XRCC5: variants seen among roughly 807,000 people sequenced by gnomAD.
The protein encoded by XRCC5 is X-ray repair cross complementing 5.
In XRCC5, 12 loss-of-function variants were observed where a neutral mutation model predicts 95.7. That is an observed-to-expected ratio of 0.13 (90% CI 0.08 to 0.20). The LOEUF (loss-of-function observed/expected upper bound fraction) is 0.20. Among genes scored for constraint, XRCC5 ranks in the 10% least tolerant of loss-of-function variants. The pLI, the probability that XRCC5 is intolerant of heterozygous loss-of-function variation, is 1.00. For synonymous variants in XRCC5, 281 were observed against 290.3 expected (o/e 0.97, Z 0.33); for missense variants, 595 against 873.9 (o/e 0.68, Z 4.02).
chr2:216,157,395 G>C (rs977294701), intron 14 of XRCC5, among the ~76,000 whole-genome samples: 11 of 151,774 alleles, frequency 7.2e-5, no homozygotes, highest in Non-Finnish European at 1.3e-4. Flanking sequence ...CACCATGCCC[G>C]GCTAATGTTT....
intron 16 of XRCC5, among the ~76,000 whole-genome samples, chr2:216,164,319 A>C (rs976055486): frequency 3.3e-5 from 5 of 152,226 alleles, no homozygotes; most frequent in African/African-American, 9.6e-5. Context: ...TGGTCTTTTC[A>C]GGGACTGAAT....
At chr2:216,136,907 TC>T (rs1697091342) in intron 10 of XRCC5, among the ~76,000 whole-genome samples, 180 bp from the exon 11 acceptor site, 1 of 152,162 alleles carries the variant, frequency 6.6e-6, no homozygotes, top group South Asian at 2.1e-4. Flanking sequence ...TGAGGTTAAG[TC>T]CCAGAAGAGC....
At position 216,143,709 on chromosome 2, in the gene XRCC5, T is replaced by A. The variant is rs577440275; in HGVS notation, c.1476+2390T>A. ...AAAGATACTATAAGCTGCTTTTTTT[T>A]TTTTTATTTTTATTTTGAGACGGAG... On this transcript the variant is annotated intron_variant, in intron 13 of 20. Transcript: ENST00000392132. Among the ~76,000 whole-genome samples the A allele has an allele frequency of 5.6e-4, 85 of 152,066 alleles. No homozygotes were observed. The South Asian group carries it at 0.012, about 21-fold the overall frequency.
chr2:216,198,718 A>C (rs541737076), intron 19 of XRCC5, among the ~76,000 whole-genome samples: 16 of 151,986 alleles, frequency 1.1e-4, no homozygotes, highest in Non-Finnish European at 2.2e-4. Context: ...CCACCCAGCT[A>C]ATTTTTGTAT....
intron 19 of XRCC5, among the ~76,000 whole-genome samples, chr2:216,201,325 C>G (rs1559265757): frequency 6.6e-6 from 1 of 152,098 alleles, no homozygotes; most frequent in East Asian, 1.9e-4. Flanking sequence ...GTCAGTAATC[C>G]TTTGGAATCA....
At chr2:216,133,929 T>C (rs1285183942) in intron 10 of XRCC5, among the ~76,000 whole-genome samples, 1 of 152,184 alleles carries the variant, frequency 6.6e-6, no homozygotes, top group East Asian at 1.9e-4. Flanking sequence ...ATAATAGCAC[T>C]CTTCATGCAT....
Position 216,204,058 on chromosome 2 carries a change from G to A in XRCC5, c.2110-264G>A, listed in dbSNP as rs1360135516. On this transcript the variant is annotated intron_variant, in intron 19 of 20. Coordinates refer to ENST00000392132, the MANE Select transcript of XRCC5 (RefSeq NM_021141.4). Reference sequence around the variant, plus strand: ...TATACAGGACACTACACACTGTCTCGACAAGCCATGTTCTTTCCTCCCTCT... The same window carrying A: ...TATACAGGACACTACACACTGTCTCAACAAGCCATGTTCTTTCCTCCCTCT... 3.2e-5 allele frequency: 15 copies of A among 461,680 alleles called. No individual in the cohort carries two copies. The Admixed American group carries it at 3.7e-4, about 11-fold the overall frequency. 28.6% of individuals were successfully genotyped at this position (461,680 alleles called of 1,614,324 possible). A position where few individuals can be genotyped will look rare whatever the true frequency, so the allele number is the denominator to read the frequency against.
chr2:216,203,847 G>A (rs1689890288), intron 19 of XRCC5, among the ~76,000 whole-genome samples: 1 of 59,032 alleles, frequency 1.7e-5, no homozygotes. Flanking sequence ...ATTATTCTAA[G>A]CTTTTTTTTT....
At chr2:216,186,190 C>CGAA (rs1689488326) in intron 16 of XRCC5, among the ~76,000 whole-genome samples, 1 of 152,180 alleles carries the variant, frequency 6.6e-6, no homozygotes, top group East Asian at 1.9e-4. Flanking sequence ...GACTTCCTTT[C>CGAA]ACTTTGTTGG....
intron 1 of XRCC5, among the ~76,000 whole-genome samples, chr2:216,110,795 T>C (rs1187310570): frequency 6.6e-6 from 1 of 152,242 alleles, no homozygotes; most frequent in African/African-American, 2.4e-5. Flanking sequence ...GCATATTTTG[T>C]GACTCTTAAG....
chr2:216,188,660 A>G (rs754542458), intron 16 of XRCC5, among the ~76,000 whole-genome samples: 7 of 152,286 alleles, frequency 4.6e-5, no homozygotes, highest in African/African-American at 7.2e-5. Context: ...TCTGTTATCA[A>G]ACATTTCTGT....
chr2:216,148,194 C>T lies in XRCC5; in HGVS notation c.1588C>T (p.Leu530Phe), dbSNP rs375978565. 3.7e-6 allele frequency: 6 copies of T among 1,613,978 alleles called. No homozygotes were observed. The South Asian group carries it at 5.5e-5, about 15-fold the overall frequency. ...AEVTTKSQIP[L>F]SKIKTLFPLI... ...GGTGACAACAAAAAGTCAGATTCCT[C>T]TCTCTAAAATAAAGACCCTTTTTCC... The change falls in exon 14 of 21, where the codon CTC (leucine) becomes TTC (phenylalanine). Residue 530 changes from leucine to phenylalanine, a missense_variant. Physicochemically the swap from Leu to Phe is conservative, Grantham distance 22. This residue lies in a region of XRCC5 where 309 missense variants were observed against 382.9 expected (regional missense o/e 0.81). Transcript: ENST00000392132.
intron 9 of XRCC5, among the ~76,000 whole-genome samples, chr2:216,131,793 A>T (rs973973484): frequency 6.6e-6 from 1 of 152,164 alleles, no homozygotes; most frequent in Non-Finnish European, 1.5e-5. Context: ...TTCCTCTCAC[A>T]CAGTGGCACT....
intron 15 of XRCC5, among the ~76,000 whole-genome samples, chr2:216,161,660 C>T (rs1453571309): frequency 1.3e-5 from 2 of 152,204 alleles, no homozygotes; most frequent in Non-Finnish European, 2.9e-5. Flanking sequence ...ACAGGATATA[C>T]AGGCAGTCTG....
At chr2:216,116,538 CTA>C in intron 2 of XRCC5, 119 bp from the exon 3 acceptor site, 1 of 1,059,046 alleles carries the variant, frequency 9.4e-7, no homozygotes, top group South Asian at 1.3e-5. Context: ...CCGCCCAATA[CTA>C]TATGGCCCCA....
intron 16 of XRCC5, among the ~76,000 whole-genome samples, chr2:216,181,546 C>T (rs1208933902): frequency 1.3e-5 from 2 of 152,198 alleles, no homozygotes; most frequent in Admixed American, 6.5e-5. Flanking sequence ...AAAAAAATGG[C>T]CATTCTTATC....
intron 16 of XRCC5, among the ~76,000 whole-genome samples, chr2:216,166,578 T>C (rs1379385460): frequency 6.6e-6 from 1 of 152,242 alleles, no homozygotes; most frequent in Non-Finnish European, 1.5e-5. Context: ...AGAGGCTCTT[T>C]ACATTGAGTT....
At chr2:216,170,591 C>T (rs1476271143) in intron 16 of XRCC5, among the ~76,000 whole-genome samples, 1 of 152,186 alleles carries the variant, frequency 6.6e-6, no homozygotes, top group Non-Finnish European at 1.5e-5. Flanking sequence ...ATTCATTCAC[C>T]TCCTACCAGG....
intron 16 of XRCC5, among the ~76,000 whole-genome samples, chr2:216,180,925 G>T (rs1414357531): frequency 6.6e-6 from 1 of 150,552 alleles, no homozygotes; most frequent in Non-Finnish European, 1.5e-5. Flanking sequence ...CAATTCTCCT[G>T]TCTCAGCCTT....
Sources: gnomAD v4.1 joint callset for allele counts (sites outside exome capture counted in the v4.1 genomes callset) on GRCh38, gnomAD v4.1.1 for gene constraint, gnomAD v4.1.1 regional missense constraint, MANE v1.5 for transcripts, NCBI Gene and HGNC (gene_info 2026-07-23, HGNC 2026-07-21) for gene names.